Variants in PIK3R1 observed in about 807,000 individuals in gnomAD.
PIK3R1 encodes phosphoinositide-3-kinase regulatory subunit 1.
In PIK3R1, 29 loss-of-function variants were observed where a neutral mutation model predicts 98.0. That is an observed-to-expected ratio of 0.30 (90% CI 0.22 to 0.40). The LOEUF is 0.40. Ranked by LOEUF, PIK3R1 falls within the 10% of genes least tolerant of loss-of-function variation. The probability of loss-of-function intolerance (pLI) is 1.00; values close to 1 mark genes in which losing one functional copy is unlikely to be tolerated. For missense variants in PIK3R1, 596 were observed against 872.7 expected (o/e 0.68, Z 3.99); for synonymous variants, 282 against 311.8 (o/e 0.90, Z 1.01).
intron 1 of PIK3R1, among the ~76,000 whole-genome samples, chr5:68,216,244 G>C (rs777372809): frequency 6.6e-6 from 1 of 152,156 alleles, no homozygotes; most frequent in African/African-American, 2.4e-5. Context: ...ATTTGCCCCC[G>C]GAGTTGCCGA....
At chr5:68,236,004 G>T (rs1744651203) in intron 2 of PIK3R1, among the ~76,000 whole-genome samples, 1 of 151,574 alleles carries the variant, frequency 6.6e-6, no homozygotes, top group Non-Finnish European at 1.5e-5. Context: ...CCAAGTAGCT[G>T]GGACTACAGG....
rs1430970566 is a variant in PIK3R1 at position 68,296,157 on chromosome 5, TCCTG to T, written c.1815-6_1815-3del. The T allele has an allele frequency of 8.1e-6, 13 of 1,613,692 alleles. No individual in the cohort carries two copies. The highest frequency in any genetic ancestry group is 1.7e-5 in the Admixed American group (1 of 60,006). Reference sequence around the variant, plus strand: ...GCACTCTTCATTTAGAAACTTTCTGTCCTGCCTGCCTAGCCAATATTCACTGGTG... The same window carrying T: ...GCACTCTTCATTTAGAAACTTTCTGTCCTGCCTAGCCAATATTCACTGGTG... On this transcript the variant is annotated splice_polypyrimidine_tract_variant and intron_variant, in intron 14 of 15. Coordinates refer to ENST00000521381, the MANE Select transcript of PIK3R1 (RefSeq NM_181523.3).
chr5:68,259,924 A>T (rs1398063005), intron 2 of PIK3R1, among the ~76,000 whole-genome samples: 1 of 152,202 alleles, frequency 6.6e-6, no homozygotes, highest in East Asian at 1.9e-4. Context: ...GCTGACTAGT[A>T]CAGCTATATG....
chr5:68,276,349 T>A (rs1233590251), intron 4 of PIK3R1, among the ~76,000 whole-genome samples: 1 of 152,168 alleles, frequency 6.6e-6, no homozygotes, highest in South Asian at 2.1e-4. Flanking sequence ...CAGAAATGTC[T>A]CCAGACATTG....
intron 7 of PIK3R1, among the ~76,000 whole-genome samples, chr5:68,285,500 CAT>C (rs1747042946): frequency 6.6e-6 from 1 of 152,182 alleles, no homozygotes; most frequent in South Asian, 2.1e-4. Context: ...TGAAAAATTA[CAT>C]GTTTGTAGAT....
Position 68,270,188 on chromosome 5 carries a change from A to G in PIK3R1, c.335-3202A>G, listed in dbSNP as rs554019620. Among the ~76,000 whole-genome samples the G allele has an allele frequency of 7.9e-5, 12 of 152,308 alleles. No individual in the cohort carries two copies. The East Asian group carries it at 2.3e-3, about 29-fold the overall frequency. On this transcript the variant is annotated intron_variant, in intron 2 of 15. Transcript: ENST00000521381. ...TCCAACACCTGAATGAGTAATGTGT[A>G]AAACATATAATGTTTTGTAGCTCAG...
At chr5:68,288,997 G>A (rs1747234225) in intron 7 of PIK3R1, among the ~76,000 whole-genome samples, 1 of 152,126 alleles carries the variant, frequency 6.6e-6, no homozygotes, top group Non-Finnish European at 1.5e-5. Context: ...GTTGGTGCCA[G>A]GCCAGGGCTT....
intron 7 of PIK3R1, among the ~76,000 whole-genome samples, chr5:68,290,480 T>G (rs1747326242): frequency 6.6e-6 from 1 of 152,190 alleles, no homozygotes. Context: ...GATGAGCATG[T>G]ATATATTGCA....
intron 3 of PIK3R1, 95 bp downstream of exon 3, chr5:68,273,577 C>T (rs1746449550): frequency 9.6e-7 from 1 of 1,038,686 alleles, no homozygotes; most frequent in African/African-American, 1.6e-5. Context: ...AGTAAATTTC[C>T]TACTACCAGC....
chr5:68,232,947 ACT>A (rs1031840830), intron 2 of PIK3R1, among the ~76,000 whole-genome samples: 6 of 152,310 alleles, frequency 3.9e-5, no homozygotes, highest in South Asian at 2.1e-4. Context: ...TAAATATGGA[ACT>A]CTCTATTTAA....
In PIK3R1 at chr5:68,273,937, A is replaced by G. The variant is rs1482334599; in HGVS notation, c.428-2A>G. ...TGGTCTGTGGTCTGTTTTGTGTCCTAGGTCTGGAATGTTCAACTCTATACA... is the reference window on the plus strand; with the variant it reads ...TGGTCTGTGGTCTGTTTTGTGTCCTGGGTCTGGAATGTTCAACTCTATACA... On this transcript the variant is annotated splice_acceptor_variant, in intron 3 of 15. Coordinates refer to ENST00000521381, the MANE Select transcript of PIK3R1 (RefSeq NM_181523.3). LOFTEE classifies it high-confidence loss of function. 6.2e-7 allele frequency: 1 copy of G among 1,612,446 alleles called. No homozygotes were observed. Among genetic ancestry groups the G allele is most frequent in the Admixed American group, 1.7e-5 (1 of 60,002 alleles).
chr5:68,292,045 T>A, intron 7 of PIK3R1: 3 of 394,522 alleles, frequency 7.6e-6, no homozygotes, highest in Non-Finnish European at 1.4e-5. Context: ...AGGCTCTCTC[T>A]CTTTTCTCCT....
At chr5:68,240,527 C>T (rs1443633044) in intron 2 of PIK3R1, among the ~76,000 whole-genome samples, 1 of 152,218 alleles carries the variant, frequency 6.6e-6, no homozygotes, top group African/African-American at 2.4e-5. Context: ...AATCATCTAA[C>T]TTTGGCCCTC....
chr5:68,272,698 T>G (rs1484042497), intron 2 of PIK3R1, among the ~76,000 whole-genome samples: 6 of 152,216 alleles, frequency 3.9e-5, no homozygotes, highest in Non-Finnish European at 8.8e-5. Flanking sequence ...TAAAAACTAC[T>G]AATTGACCAA....
chr5:68,292,625 A>G (rs1747457038), intron 8 of PIK3R1: 7 of 1,425,830 alleles, frequency 4.9e-6, no homozygotes, highest in Non-Finnish European at 6.5e-6. Flanking sequence ...CTAAGAACAG[A>G]GTGTGAAGGC....
chr5:68,300,392 T>G lies in PIK3R1; in HGVS notation c.*2791T>G, dbSNP rs1217259721. On this transcript the variant is annotated 3_prime_UTR_variant, in exon 16 of 16. Coordinates refer to ENST00000521381, the MANE Select transcript of PIK3R1 (RefSeq NM_181523.3). ...TATTGTCTGAACGGCTGAATATGAA[T>G]AGATACAGCAGAGGCACTCCTGATA... 8.6e-6 allele frequency: 2 copies of G among 232,852 alleles called. No individual in the cohort carries two copies. Among genetic ancestry groups the G allele is most frequent in the African/African-American group, 4.4e-5 (2 of 45,318 alleles). 14.4% of individuals were successfully genotyped at this position (232,852 alleles called of 1,614,324 possible). A position where few individuals can be genotyped will look rare whatever the true frequency, so the allele number is the denominator to read the frequency against.
At chr5:68,264,674 C>G (rs910026926) in intron 2 of PIK3R1, among the ~76,000 whole-genome samples, 4 of 152,164 alleles carry the variant, frequency 2.6e-5, no homozygotes, top group African/African-American at 9.7e-5. Context: ...CCTCCCACCC[C>G]ACAGGAGATA....
At position 68,293,197 on chromosome 5, in the gene PIK3R1, A is replaced by C; in HGVS notation, c.1116A>C (p.Leu372=). The C allele has an allele frequency of 6.2e-7, 1 of 1,611,914 alleles. No individual in the cohort carries two copies. The highest frequency in any genetic ancestry group is 1.1e-5 in the South Asian group (1 of 90,844). Residue 372 remains leucine (L), a splice_region_variant and synonymous_variant, in exon 9 of 16, where the codon CTA becomes CTC. Transcript: ENST00000521381. Reference sequence around the variant, plus strand: ...TGCATGGTGATTATACTCTTACACTAAGGTAAGCCAGGGAATATAGCTGAA... The same window carrying C: ...TGCATGGTGATTATACTCTTACACTCAGGTAAGCCAGGGAATATAGCTGAA... ...TKMHGDYTLT[L]RKGGNNKLIK...
chr5:68,293,757 C>A lies in PIK3R1; in HGVS notation c.1348C>A (p.His450Asn), dbSNP rs2112263172. Reference sequence around the variant, plus strand: ...TATTGAAGCTGTAGGGAAAAAATTACATGAATATAACACTCAGTTTCAAGA... The same window carrying A: ...TATTGAAGCTGTAGGGAAAAAATTAAATGAATATAACACTCAGTTTCAAGA... Reference protein sequence around the residue: ...DNIEAVGKKLHEYNTQFQEKS... With the variant: ...DNIEAVGKKLNEYNTQFQEKS... The change falls in exon 11 of 16, where the codon CAT becomes AAT. Residue 450 changes from histidine (H) to asparagine (N), a missense_variant. Transcript: ENST00000521381. 1 of 1,534,076 alleles carries A rather than the reference C, an allele frequency of 6.5e-7. No individual in the cohort carries two copies. The highest frequency in any genetic ancestry group is 9.0e-7 in the Non-Finnish European group (1 of 1,116,368).
Sources: gnomAD v4.1 joint callset for allele counts (sites outside exome capture counted in the v4.1 genomes callset) on GRCh38, gnomAD v4.1.1 for gene constraint, MANE v1.5 for transcripts, NCBI Gene and HGNC (gene_info 2026-07-23, HGNC 2026-07-21) for gene names.